Variants in SUSD3 observed in about 807,000 individuals in gnomAD.
SUSD3 encodes the protein sushi domain containing 3, also known as sushi domain-containing protein 3.
A neutral mutation model predicts 20.6 loss-of-function variants in SUSD3; 18 were observed. That is an observed-to-expected ratio of 0.87 (90% CI 0.60 to 1.30). The LOEUF is 1.30. Among genes scored for constraint, SUSD3 ranks in the 50% most tolerant of loss-of-function variants. The pLI, the probability that SUSD3 is intolerant of heterozygous loss-of-function variation, is 0.00. For missense variants in SUSD3, 306 were observed against 346.9 expected (o/e 0.88, Z 0.94); for synonymous variants, 137 against 141.5 (o/e 0.97, Z 0.23).
intron 1 of SUSD3, among the ~76,000 whole-genome samples, chr9:93,065,616 G>A (rs1156991195): frequency 1.3e-5 from 2 of 152,234 alleles, no homozygotes; most frequent in Non-Finnish European, 1.5e-5. Context: ...TGGCCAGCCC[G>A]TGGCTGCCCT....
intron 1 of SUSD3, among the ~76,000 whole-genome samples, chr9:93,074,877 G>A (rs912829333): frequency 3.3e-5 from 5 of 152,056 alleles, no homozygotes; most frequent in African/African-American, 1.2e-4. Context: ...CTCCCAAAGT[G>A]CTGGGATTAC....
In SUSD3 at chr9:93,062,482, G is replaced by C. The variant is rs142184270; in HGVS notation, c.88+3652G>C. Among the ~76,000 whole-genome samples, 354 of 152,302 alleles carry C rather than the reference G, an allele frequency of 2.3e-3. 3 individuals carry two copies. Among genetic ancestry groups the C allele is most frequent in the African/African-American group, 7.9e-3 (330 of 41,562 alleles). ...AGCAGGTGGGTAGGATGGGGCTGGA[G>C]GGCAGGACGGATCCAGAGAGGCAAG... On this transcript the variant is annotated intron_variant, in intron 1 of 4. Coordinates refer to ENST00000375472, the MANE Select transcript of SUSD3 (RefSeq NM_145006.4).
intron 1 of SUSD3, among the ~76,000 whole-genome samples, chr9:93,072,458 T>C (rs1461592188): frequency 6.6e-6 from 1 of 152,180 alleles, no homozygotes; most frequent in African/African-American, 2.4e-5. Flanking sequence ...GAGCCTCTGG[T>C]AGCCTCCACT....
intron 1 of SUSD3, among the ~76,000 whole-genome samples, chr9:93,066,856 C>T (rs1243796561): frequency 6.6e-6 from 1 of 152,136 alleles, no homozygotes; most frequent in East Asian, 1.9e-4. Context: ...TACAGGCGTG[C>T]ACCACCACAC....
intron 1 of SUSD3, among the ~76,000 whole-genome samples, chr9:93,065,422 C>T (rs2118919079): frequency 6.6e-6 from 1 of 152,380 alleles, no homozygotes; most frequent in South Asian, 2.1e-4. Context: ...GTGCTGGACA[C>T]ACTCACCCTC....
intron 1 of SUSD3, among the ~76,000 whole-genome samples, chr9:93,062,288 G>A (rs1336098760): frequency 1.3e-5 from 2 of 152,252 alleles, no homozygotes; most frequent in East Asian, 3.8e-4. Flanking sequence ...GGGCCAGGCA[G>A]GGCCTCGTGT....
At chr9:93,061,664 A>C (rs969000969) in intron 1 of SUSD3, among the ~76,000 whole-genome samples, 1 of 152,174 alleles carries the variant, frequency 6.6e-6, no homozygotes, top group Non-Finnish European at 1.5e-5. Context: ...GGACACCCAC[A>C]TGTAGTGTTG....
chr9:93,073,104 C>A (rs936489313), intron 1 of SUSD3, among the ~76,000 whole-genome samples: 2 of 152,098 alleles, frequency 1.3e-5, no homozygotes, highest in Non-Finnish European at 2.9e-5. Flanking sequence ...CTGCCATCAC[C>A]CCCATCTCTG....
intron 1 of SUSD3, among the ~76,000 whole-genome samples, chr9:93,069,883 G>A (rs190181742): frequency 3.9e-5 from 6 of 151,928 alleles, no homozygotes; most frequent in East Asian, 1.9e-4. Context: ...GGGATCAGGC[G>A]ATTCTCCTGC....
At chr9:93,069,729 A>G (rs1366978125) in intron 1 of SUSD3, among the ~76,000 whole-genome samples, 2 of 151,864 alleles carry the variant, frequency 1.3e-5, no homozygotes, top group East Asian at 3.9e-4. Context: ...AGGCTTTTCT[A>G]CATATATACG....
chr9:93,064,678 C>T (rs185531073), intron 1 of SUSD3, among the ~76,000 whole-genome samples: 8 of 152,324 alleles, frequency 5.3e-5, no homozygotes, highest in Admixed American at 3.3e-4. Context: ...GCACAACACA[C>T]GGGCGGGCAG....
At chr9:93,069,269 A>T in intron 1 of SUSD3, 1 of 615,464 alleles carries the variant, frequency 1.6e-6, no homozygotes, top group Non-Finnish European at 3.0e-6. Flanking sequence ...ACCCCCTGAT[A>T]CTGCAGTGCT....
At chr9:93,081,733 G>T (rs1021886914) in intron 4 of SUSD3, among the ~76,000 whole-genome samples, 2 of 152,158 alleles carry the variant, frequency 1.3e-5, no homozygotes, top group African/African-American at 4.8e-5. Flanking sequence ...CAAGGATGTA[G>T]CCGAAATGCT....
At chr9:93,067,482 CTG>C (rs1050458047) in intron 1 of SUSD3, among the ~76,000 whole-genome samples, 1 of 152,142 alleles carries the variant, frequency 6.6e-6, no homozygotes, top group Non-Finnish European at 1.5e-5. Flanking sequence ...CTGTGCTTAA[CTG>C]TGTGAAAAAC....
chr9:93,061,173 T>C (rs1230087599), intron 1 of SUSD3, among the ~76,000 whole-genome samples: 1 of 152,196 alleles, frequency 6.6e-6, no homozygotes, highest in Non-Finnish European at 1.5e-5. Flanking sequence ...GTAACCCCCC[T>C]GGCATCCGTG....
Position 93,084,581 on chromosome 9 carries a change from G to T in SUSD3, c.602G>T (p.Ser201Ile), listed in dbSNP as rs1032248227. 6.2e-7 allele frequency: 1 copy of T among 1,603,706 alleles called. No individual in the cohort carries two copies. The highest frequency in any genetic ancestry group is 8.5e-7 in the Non-Finnish European group (1 of 1,175,172). Residue 201 changes from serine to isoleucine, a missense_variant, in exon 5 of 5, where the codon AGC becomes ATC. Transcript: ENST00000375472. ...AGCAAGCTGGCCAGTGTGACCCGCA[G>T]CGTGGACAAGGACCCTGGGATCCCC... ...STSKLASVTRSVDKDPGIPRA... is the reference protein window; with the variant it reads ...STSKLASVTRIVDKDPGIPRA...
At chr9:93,059,630 C>T (rs866987459) in intron 1 of SUSD3, among the ~76,000 whole-genome samples, 54 of 152,254 alleles carry the variant, frequency 3.5e-4, no homozygotes, top group African/African-American at 1.3e-3. Context: ...GAACGTTAGG[C>T]CTGAGGGTTC....
At chr9:93,072,355 C>T (rs1043601955) in intron 1 of SUSD3, among the ~76,000 whole-genome samples, 4 of 152,192 alleles carry the variant, frequency 2.6e-5, no homozygotes, top group Non-Finnish European at 4.4e-5. Context: ...AGGCCAGGGG[C>T]AGGGGGACCA....
chr9:93,079,744 T>G, intron 4 of SUSD3, 142 bp downstream of exon 4: 8 of 828,312 alleles, frequency 9.7e-6, no homozygotes, highest in Non-Finnish European at 1.1e-5. Context: ...CTCCCATCTC[T>G]AAAACAAGAG....
Sources: allele counts gnomAD v4.1 joint callset (sites outside exome capture counted in the v4.1 genomes callset), GRCh38; gene constraint gnomAD v4.1.1; transcripts MANE v1.5; gene names NCBI Gene and HGNC (gene_info 2026-07-23, HGNC 2026-07-21).